Variants in PRICKLE2 observed in about 807,000 individuals in gnomAD.
PRICKLE2 encodes prickle-like protein 2.
In PRICKLE2, 21 loss-of-function variants were observed where a neutral mutation model predicts 81.4. The observed-to-expected ratio is 0.26, with a 90% CI of 0.18 to 0.37. The LOEUF is 0.37. Ranked by LOEUF, PRICKLE2 falls within the 10% of genes least tolerant of loss-of-function variation. The pLI is 1.00. For missense variants in PRICKLE2, 940 were observed against 1,109.0 expected (o/e 0.85, Z 2.16); for synonymous variants, 456 against 421.5 (o/e 1.08, Z -1.00).
chr3:64,165,927 T>C (rs2077821218), intron 2 of PRICKLE2, among the ~76,000 whole-genome samples: 2 of 151,996 alleles, frequency 1.3e-5, no homozygotes, highest in South Asian at 4.1e-4. Context: ...TTAAAGCTAG[T>C]TTGACTTCAG....
intron 2 of PRICKLE2, among the ~76,000 whole-genome samples, chr3:64,197,438 T>G (rs1238012101): frequency 6.6e-6 from 1 of 152,218 alleles, no homozygotes; most frequent in Non-Finnish European, 1.5e-5. Flanking sequence ...TTAATGGGAT[T>G]GTTTGGTTTT....
intron 2 of PRICKLE2, chr3:64,163,397 T>C (rs2077766210): frequency 3.9e-6 from 2 of 507,530 alleles, no homozygotes; most frequent in African/African-American, 3.9e-5. Context: ...AAACAGAGAA[T>C]TCAGCAGACA....
chr3:64,141,834 T>G (rs575976004), intron 7 of PRICKLE2: 599 of 985,264 alleles, frequency 6.1e-4, no homozygotes, highest in Non-Finnish European at 6.7e-4. Flanking sequence ...TTCAATAACA[T>G]AAGTTACTGA....
rs575795298 is a variant in PRICKLE2, at chr3:64,235,103, A to T, written c.129-36136T>A. ...TCTTCAGCATACACAATCTTTATTG[A>T]CCTACCTTCAAATCTGCCAATATTT... On this transcript the variant is annotated intron_variant, in intron 2 of 8. Transcript: ENST00000295902. Among the ~76,000 whole-genome samples, 4 of 152,216 alleles carry T rather than the reference A, an allele frequency of 2.6e-5. No homozygotes were observed. The East Asian group carries it at 5.8e-4, about 22-fold the overall frequency.
At chr3:64,221,113 A>G (rs1237922385) in intron 1 of PRICKLE2, among the ~76,000 whole-genome samples, 1 of 152,062 alleles carries the variant, frequency 6.6e-6, no homozygotes, top group Non-Finnish European at 1.5e-5. Context: ...GGGAACCTTC[A>G]GCTTTGCACT....
chr3:64,185,440 T>A (rs2020075), intron 2 of PRICKLE2, among the ~76,000 whole-genome samples: 3,154 of 152,296 alleles, frequency 0.021, 95 homozygotes, highest in African/African-American at 0.071. Flanking sequence ...ACCACTCTAA[T>A]AATTGCCATA....
chr3:64,155,590 G>C (rs1031055500), intron 5 of PRICKLE2, among the ~76,000 whole-genome samples: 1 of 152,182 alleles, frequency 6.6e-6, no homozygotes, highest in Non-Finnish European at 1.5e-5. Context: ...GTTCATAGCA[G>C]CGTTGTTTAG....
chr3:64,202,142 G>A lies in PRICKLE2; in HGVS notation c.-40-3175C>T, dbSNP rs7622391. ...ACTGTCTGGATGACTGCAGTTCTGCGGTAAGTTTTAAAATCATGAAGTATA... is the reference window on the plus strand; with the variant it reads ...ACTGTCTGGATGACTGCAGTTCTGCAGTAAGTTTTAAAATCATGAAGTATA... On this transcript the variant is annotated intron_variant, in intron 1 of 7. Transcript: ENST00000638394. Among the ~76,000 whole-genome samples the A allele has an allele frequency of 4.1e-3, 631 of 152,164 alleles. 4 individuals are homozygous for A. Among genetic ancestry groups the A allele is most frequent in the African/African-American group, 0.014 (598 of 41,508 alleles).
chr3:64,259,313 T>C (rs1034374444), intron 2 of PRICKLE2, among the ~76,000 whole-genome samples: 1 of 152,148 alleles, frequency 6.6e-6, no homozygotes, highest in Non-Finnish European at 1.5e-5. Flanking sequence ...AAGTTTTATC[T>C]CATTTAATTT....
At chr3:64,161,715 TAA>T (rs10715000) in intron 3 of PRICKLE2, among the ~76,000 whole-genome samples, 3,312 of 118,020 alleles carry the variant, frequency 0.028, 80 homozygotes, top group African/African-American at 0.047. Flanking sequence ...TAAAAAGAGT[TAA>T]AAAAAAAAAA....
chr3:64,249,653 C>G (rs1483428745), intron 2 of PRICKLE2, among the ~76,000 whole-genome samples: 1 of 152,116 alleles, frequency 6.6e-6, no homozygotes, highest in Non-Finnish European at 1.5e-5. Context: ...TTCCTTGAAC[C>G]CTACTGGTCA....
rs2078515223 is a variant in PRICKLE2, at chr3:64,198,976, A to T, written c.-40-9T>A. 6.2e-7 allele frequency: 1 copy of T among 1,613,260 alleles called. No homozygotes were observed. The highest frequency in any genetic ancestry group is 8.5e-7 in the Non-Finnish European group (1 of 1,179,908). On this transcript the variant is annotated splice_polypyrimidine_tract_variant and intron_variant, in intron 1 of 7. Coordinates refer to ENST00000638394, the MANE Select transcript of PRICKLE2 (RefSeq NM_198859.4). ...AGTGCAGGCAGATCTTCCTGCAGGC[A>T]GTAAAGGTAGAAGGTGAGAAAGAGG... is the stretch of plus-strand genomic sequence containing the variant.
At chr3:64,198,648 C>A in intron 2 of PRICKLE2, 136 bp downstream of exon 2, 1 of 937,876 alleles carries the variant, frequency 1.1e-6, no homozygotes, top group Non-Finnish European at 1.7e-6. Context: ...GGGCCCCTGG[C>A]ATCTTCAACA....
chr3:64,151,399 C>A (rs1292478997), intron 6 of PRICKLE2, among the ~76,000 whole-genome samples: 1 of 152,170 alleles, frequency 6.6e-6, no homozygotes, highest in Non-Finnish European at 1.5e-5. Context: ...AATAAATGTG[C>A]TGGGCAGCCA....
Position 64,253,785 on chromosome 3 carries a change from C to T in PRICKLE2, c.129-54818G>A, listed in dbSNP as rs542437626. Among the ~76,000 whole-genome samples the T allele has an allele frequency of 5.9e-4, 90 of 152,194 alleles. 1 individual carries two copies. The highest frequency in any genetic ancestry group is 2.0e-3 in the African/African-American group (82 of 41,522). On this transcript the variant is annotated intron_variant, in intron 2 of 8. Transcript: ENST00000295902. The stretch of plus-strand genomic sequence containing the variant: ...CTTACCACAGTTTATCACAGTTAAA[C>T]TAATCATAAACAAAGCTCTCAAGAA...
At chr3:64,263,808 T>C (rs2079652278) in intron 2 of PRICKLE2, among the ~76,000 whole-genome samples, 1 of 152,194 alleles carries the variant, frequency 6.6e-6, no homozygotes, top group South Asian at 2.1e-4. Flanking sequence ...TCTTGGGTCA[T>C]CTTGGTTCAG....
At chr3:64,197,687 G>A (rs1398459186) in intron 2 of PRICKLE2, among the ~76,000 whole-genome samples, 1 of 152,018 alleles carries the variant, frequency 6.6e-6, no homozygotes, top group Non-Finnish European at 1.5e-5. Context: ...AACACACACT[G>A]GGCCCTACCA....
intron 1 of PRICKLE2, chr3:64,200,569 C>G (rs1453105557): frequency 6.6e-6 from 1 of 152,052 alleles, no homozygotes; most frequent in Non-Finnish European, 1.5e-5. Flanking sequence ...ATCCTCCTGT[C>G]TTAGCCTCCC....
intron 2 of PRICKLE2, among the ~76,000 whole-genome samples, chr3:64,237,901 C>T (rs2079206548): frequency 6.6e-6 from 1 of 152,120 alleles, no homozygotes; most frequent in Non-Finnish European, 1.5e-5. Context: ...TTTGTTTGTC[C>T]ATCATTCTCC....
Sources: gnomAD v4.1 joint callset for allele counts (sites outside exome capture counted in the v4.1 genomes callset) on GRCh38, gnomAD v4.1.1 for gene constraint, MANE v1.5 for transcripts, NCBI Gene and HGNC (gene_info 2026-07-23, HGNC 2026-07-21) for gene names.